UMAD1: variants seen among roughly 807,000 people sequenced by gnomAD.
The protein encoded by UMAD1 is UBAP1-MVB12-associated (UMA) domain containing 1.
A neutral mutation model predicts 6.1 loss-of-function variants in UMAD1; 8 were observed. That is an observed-to-expected ratio of 1.30 (90% CI 0.76 to 2.35). The LOEUF is 2.35. Ranked by LOEUF, UMAD1 falls within the 30% of genes most tolerant of loss-of-function variation. The pLI, the probability that UMAD1 is intolerant of heterozygous loss-of-function variation, is 0.00. For missense variants in UMAD1, 130 were observed against 78.4 expected, an observed-to-expected ratio of 1.66 and a Z score of -2.49; for synonymous variants, 56 against 31.4, an observed-to-expected ratio of 1.78 and a Z score of -2.61.
At chr7:7,759,195 T>C (rs992426209) in intron 2 of UMAD1, among the ~76,000 whole-genome samples, 7 of 152,206 alleles carry the variant, frequency 4.6e-5, no homozygotes, top group African/African-American at 1.7e-4. Flanking sequence ...TGCAACATTT[T>C]TGAGGACAAA....
intron 2 of UMAD1, among the ~76,000 whole-genome samples, chr7:7,747,106 A>G (rs1481240127): frequency 6.6e-6 from 1 of 152,252 alleles, no homozygotes; most frequent in East Asian, 1.9e-4. Flanking sequence ...CTTCGAGTGC[A>G]TGGTGAGAAA....
chr7:7,644,305 GTGT>G (rs1416608149), intron 1 of UMAD1, among the ~76,000 whole-genome samples: 1 of 148,354 alleles, frequency 6.7e-6, no homozygotes, highest in Non-Finnish European at 1.5e-5. Context: ...AATGGTACAA[GTGT>G]TGTCTGTTTT....
Position 7,715,346 on chromosome 7 carries a change from A to C in UMAD1, c.82+41893A>C, listed in dbSNP as rs151091705. On this transcript the variant is annotated intron_variant, in intron 2 of 3. Coordinates refer to ENST00000682710, the MANE Select transcript of UMAD1 (RefSeq NM_001302348.2). Reference sequence around the variant, plus strand: ...AGCAGAAGAGTTGACCATAGACCTTATAGCTAGCTGTTAGAATAGCTAATT... The same window carrying C: ...AGCAGAAGAGTTGACCATAGACCTTCTAGCTAGCTGTTAGAATAGCTAATT... The C allele has an allele frequency of 2.0e-5, 3 of 152,330 alleles. No individual in the cohort carries two copies. In the East Asian group the frequency reaches 5.8e-4, roughly 29 times the overall value. 9.4% of individuals were successfully genotyped at this position (152,330 alleles called of 1,614,324 possible).
At position 7,715,331 on chromosome 7, in the gene UMAD1, T is replaced by C. The variant is rs561219477; in HGVS notation, c.82+41878T>C. 12 of 151,812 alleles carry C rather than the reference T, an allele frequency of 7.9e-5. 1 individual carries two copies. The highest frequency in any genetic ancestry group is 2.9e-4 in the African/African-American group (12 of 41,364). 9.4% of individuals were successfully genotyped at this position (151,812 alleles called of 1,614,324 possible). ...TTGGTGAATAGTAGTAGCAGAAGAG[T>C]TGACCATAGACCTTATAGCTAGCTG... On this transcript the variant is annotated intron_variant, in intron 2 of 3. Transcript: ENST00000682710.
chr7:7,768,364 G>A (rs1418684004), intron 2 of UMAD1, among the ~76,000 whole-genome samples: 3 of 152,128 alleles, frequency 2.0e-5, no homozygotes, highest in South Asian at 2.1e-4. Flanking sequence ...CTAACAGAAG[G>A]TTATTTGGGC....
chr7:7,713,393 A>G (rs1780814398), intron 2 of UMAD1, among the ~76,000 whole-genome samples: 1 of 150,410 alleles, frequency 6.6e-6, no homozygotes, highest in Non-Finnish European at 1.5e-5. Flanking sequence ...AAGTTTATAG[A>G]CAGAGTTTTT....
intron 2 of UMAD1, among the ~76,000 whole-genome samples, chr7:7,751,305 T>C (rs527292726): frequency 6.6e-6 from 1 of 152,202 alleles, no homozygotes; most frequent in Non-Finnish European, 1.5e-5. Context: ...AGAGTTGGTA[T>C]GTTAAAATAG....
intron 2 of UMAD1, chr7:7,738,699 T>C (rs894315874): frequency 1.4e-4 from 21 of 152,394 alleles, no homozygotes. Flanking sequence ...CTTGCTTTCC[T>C]ATTTTCTGTA....
intron 3 of UMAD1, among the ~76,000 whole-genome samples, chr7:7,866,860 G>A (rs142063507): frequency 8.5e-4 from 130 of 152,220 alleles, no homozygotes; most frequent in African/African-American, 3.1e-3. Flanking sequence ...GTGTAGGGTA[G>A]TAAAGCTGTA....
intron 2 of UMAD1, among the ~76,000 whole-genome samples, chr7:7,703,284 T>G (rs570064562): frequency 7.0e-4 from 107 of 152,318 alleles, no homozygotes; most frequent in Non-Finnish European, 1.3e-3. Flanking sequence ...GTTTCCTGAA[T>G]TATGGAATTC....
intron 1 of UMAD1, among the ~76,000 whole-genome samples, chr7:7,663,462 A>G (rs1292817199): frequency 6.6e-6 from 1 of 152,142 alleles, no homozygotes; most frequent in African/African-American, 2.4e-5. Flanking sequence ...CCTCTTCCCC[A>G]TTACACCAAT....
chr7:7,800,297 A>G (rs766195499), intron 2 of UMAD1, among the ~76,000 whole-genome samples: 1 of 152,276 alleles, frequency 6.6e-6, no homozygotes, highest in Non-Finnish European at 1.5e-5. Flanking sequence ...GTTGCACAAA[A>G]CAGAGAACAA....
chr7:7,640,801 G>A lies in UMAD1; in HGVS notation c.-84G>A, dbSNP rs1370570811. ...GAAGCTCCGGTGCTGGTGCGGCGGG[G>A]GACTGCGGGGCCAGCCTCAGGTACC... On this transcript the variant is annotated 5_prime_UTR_variant, in exon 1 of 4. Coordinates refer to ENST00000682710, the MANE Select transcript of UMAD1 (RefSeq NM_001302348.2). The A allele has an allele frequency of 4.8e-6, 1 of 206,656 alleles. No individual in the cohort carries two copies. Among genetic ancestry groups the A allele is most frequent in the East Asian group, 1.5e-4 (1 of 6,588 alleles). 12.8% of individuals were successfully genotyped at this position (206,656 alleles called of 1,614,324 possible). A position where few individuals can be genotyped will look rare whatever the true frequency, so the allele number is the denominator to read the frequency against.
At chr7:7,778,263 T>TGAGAGAGAGA (rs1342531151) in intron 2 of UMAD1, among the ~76,000 whole-genome samples, 2 of 135,778 alleles carry the variant, frequency 1.5e-5, no homozygotes, top group African/African-American at 5.8e-5. Context: ...TGTGTGTGTG[T>TGAGAGAGAGA]GTGTGTGTGT....
intron 2 of UMAD1, among the ~76,000 whole-genome samples, chr7:7,712,172 T>C (rs968487017): frequency 1.3e-5 from 2 of 152,180 alleles, no homozygotes; most frequent in African/African-American, 4.8e-5. Flanking sequence ...TCTGCTTTTC[T>C]ATATAATGAA....
chr7:7,809,173 GAT>G (rs1782978390), intron 3 of UMAD1, among the ~76,000 whole-genome samples: 1 of 151,930 alleles, frequency 6.6e-6, no homozygotes, highest in Non-Finnish European at 1.5e-5. Flanking sequence ...TTAGGGGCAT[GAT>G]ATTTCTAGTA....
rs1784447681 is a variant in UMAD1, at chr7:7,877,594, A to G, written c.*56A>G. 1 of 688,550 alleles carries G rather than the reference A, an allele frequency of 1.5e-6. No individual in the cohort carries two copies. Among genetic ancestry groups the G allele is most frequent in the East Asian group, 2.7e-5 (1 of 37,062 alleles). The allele number at this position is 688,550 out of a possible 1,614,324, so 42.7% of individuals were successfully genotyped here. Reference sequence around the variant, plus strand: ...TAAAATATGTTCGCCTATTTTATCTAACCTGTTTGATGTTCTTTGCCGTTT... The same window carrying G: ...TAAAATATGTTCGCCTATTTTATCTGACCTGTTTGATGTTCTTTGCCGTTT... On this transcript the variant is annotated 3_prime_UTR_variant, in exon 4 of 4. Transcript: ENST00000682710.
intron 2 of UMAD1, among the ~76,000 whole-genome samples, chr7:7,733,568 T>C (rs1245029495): frequency 5.4e-5 from 8 of 148,158 alleles, no homozygotes; most frequent in African/African-American, 1.8e-4. Context: ...TAGCAATATA[T>C]GGTAGTTATG....
chr7:7,652,075 G>T (rs1253523859), intron 1 of UMAD1, among the ~76,000 whole-genome samples: 2 of 152,176 alleles, frequency 1.3e-5, no homozygotes, highest in African/African-American at 4.8e-5. Flanking sequence ...GGGTCTCCAT[G>T]CAGTGGGATG....
Sources: allele counts gnomAD v4.1 joint callset (sites outside exome capture counted in the v4.1 genomes callset), GRCh38; gene constraint gnomAD v4.1.1; transcripts MANE v1.5; gene names NCBI Gene and HGNC (gene_info 2026-07-23, HGNC 2026-07-21).